Variants in ASIC5 observed in about 807,000 individuals in gnomAD.
ASIC5 encodes the protein acid sensing ion channel subunit family member 5, also known as bile acid-sensitive ion channel.
A neutral mutation model predicts 51.2 loss-of-function variants in ASIC5; 52 were observed. That is an observed-to-expected ratio of 1.02 (90% confidence interval 0.81 to 1.28). ASIC5 has a LOEUF of 1.28. Among genes scored for constraint, ASIC5 ranks in the 50% most tolerant of loss-of-function variants. The pLI is 0.00. For synonymous variants in ASIC5, 231 were observed against 200.7 expected (o/e 1.15, Z -1.28); for missense variants, 635 against 595.0 (o/e 1.07, Z -0.70).
At chr4:155,862,264 T>G (rs1389953249) in intron 2 of ASIC5, among the ~76,000 whole-genome samples, 1 of 152,072 alleles carries the variant, frequency 6.6e-6, no homozygotes, top group Non-Finnish European at 1.5e-5. Flanking sequence ...ATATCTTGAG[T>G]TCTTGAAATA....
chr4:155,840,806 T>G (rs2111235923), intron 6 of ASIC5, among the ~76,000 whole-genome samples: 1 of 152,182 alleles, frequency 6.6e-6, no homozygotes, highest in African/African-American at 2.4e-5. Context: ...CCCAAATTGC[T>G]TATAGTGATA....
At chr4:155,859,091 T>C (rs1741624823) in intron 2 of ASIC5, among the ~76,000 whole-genome samples, 1 of 152,050 alleles carries the variant, frequency 6.6e-6, no homozygotes, top group Admixed American at 6.6e-5. Context: ...ATCTTTGCAG[T>C]TATCTATTTA....
chr4:155,830,814 A>G (rs1740856039), intron 9 of ASIC5, among the ~76,000 whole-genome samples: 1 of 152,078 alleles, frequency 6.6e-6, no homozygotes. Flanking sequence ...GAATCTGATT[A>G]CTCCAGCAGT....
At chr4:155,838,592 A>T (rs542198891) in intron 7 of ASIC5, among the ~76,000 whole-genome samples, 1 of 152,306 alleles carries the variant, frequency 6.6e-6, no homozygotes, top group Non-Finnish European at 1.5e-5. Flanking sequence ...AAAAAAGAAC[A>T]AAATTTAAAA....
intron 4 of ASIC5, among the ~76,000 whole-genome samples, chr4:155,844,953 A>G (rs1741206436): frequency 6.6e-6 from 1 of 152,086 alleles, no homozygotes; most frequent in Non-Finnish European, 1.5e-5. Context: ...AATCTTGTTC[A>G]GGGATAACAG....
chr4:155,838,658 G>C (rs1174074572), intron 7 of ASIC5, among the ~76,000 whole-genome samples, 155 bp downstream of exon 7: 1 of 152,060 alleles, frequency 6.6e-6, no homozygotes, highest in Admixed American at 6.6e-5. Flanking sequence ...GCCTGTGTTT[G>C]TTAGCTACTA....
At chr4:155,847,097 C>A (rs2111246481) in intron 4 of ASIC5, among the ~76,000 whole-genome samples, 1 of 151,948 alleles carries the variant, frequency 6.6e-6, no homozygotes, top group Non-Finnish European at 1.5e-5. Context: ...CAGGTCAAAC[C>A]AGAAAGTTCA....
At chr4:155,855,456 G>A (rs1297190867) in intron 2 of ASIC5, 3 of 151,770 alleles carry the variant, frequency 2.0e-5, no homozygotes, top group East Asian at 3.9e-4. Flanking sequence ...CATTCCATAT[G>A]GTTCTTCATT....
intron 8 of ASIC5, among the ~76,000 whole-genome samples, chr4:155,832,580 C>A (rs1740893152): frequency 6.6e-6 from 1 of 152,130 alleles, no homozygotes; most frequent in African/African-American, 2.4e-5. Flanking sequence ...CCAGCCTAGA[C>A]CCCTACCTTG....
In ASIC5 at chr4:155,843,686, C is replaced by T. The variant is rs781163840; in HGVS notation, c.856G>A (p.Val286Met). 2 of 1,613,268 alleles carry T rather than the reference C, an allele frequency of 1.2e-6. No homozygotes were observed. Among genetic ancestry groups the T allele is most frequent in the Non-Finnish European group, 8.5e-7 (1 of 1,179,594 alleles). Residue 286 changes from valine (V) to methionine (M), a missense_variant, in exon 5 of 10, where the codon GTG becomes ATG. Coordinates refer to ENST00000537611, the MANE Select transcript of ASIC5 (RefSeq NM_017419.3). ...CCTCAGACTCGAGTATTTACCTTCA[C>T]TTGGCGGATGGTTACCCTTGCGTGC... ...GMHARVTIRQVKTVHQEYPWG... is the reference protein window; with the variant it reads ...GMHARVTIRQMKTVHQEYPWG...
At chr4:155,838,389 A>G (rs1741040027) in intron 7 of ASIC5, among the ~76,000 whole-genome samples, 1 of 152,176 alleles carries the variant, frequency 6.6e-6, no homozygotes, top group Non-Finnish European at 1.5e-5. Flanking sequence ...TTATGAAAAA[A>G]TTTTATATGC....
intron 7 of ASIC5, among the ~76,000 whole-genome samples, chr4:155,837,553 T>A (rs1209266320): frequency 6.6e-6 from 1 of 152,142 alleles, no homozygotes; most frequent in Non-Finnish European, 1.5e-5. Context: ...AGGTTCTTGT[T>A]TTTCCTTTGG....
At chr4:155,842,390 G>A in intron 5 of ASIC5, 36 bp from the exon 6 acceptor site, 1 of 1,482,604 alleles carries the variant, frequency 6.7e-7, no homozygotes, top group South Asian at 1.3e-5. Context: ...CAGGAGATGT[G>A]TTTACATCAA....
At position 155,866,222 on chromosome 4, in the gene ASIC5, T is replaced by C. The variant is rs1579305292; in HGVS notation, c.5A>G (p.Glu2Gly). Residue 2 changes from glutamate to glycine, a missense_variant, in exon 1 of 10, where the codon GAG becomes GGG. Glu to Gly is a moderately conservative substitution (Grantham distance 98, BLOSUM62 -2). Transcript: ENST00000537611. M[E>G]QTEKSKVYAE... The stretch of plus-strand genomic sequence containing the variant: ...ATATACTTTTGATTTTTCTGTCTGC[T>C]CCATTTGTGATTTCAGTTAAGCAAG... 6.2e-6 allele frequency: 10 copies of C among 1,608,394 alleles called. No individual in the cohort carries two copies. In the East Asian group the frequency reaches 1.8e-4, roughly 29 times the overall value.
chr4:155,834,988 C>T (rs1740944269), intron 8 of ASIC5, among the ~76,000 whole-genome samples: 1 of 152,116 alleles, frequency 6.6e-6, no homozygotes, highest in Admixed American at 6.5e-5. Context: ...CCTTCTGGCT[C>T]CTGATCCATC....
At chr4:155,853,870 T>A (rs1741452741) in intron 3 of ASIC5, among the ~76,000 whole-genome samples, 1 of 151,976 alleles carries the variant, frequency 6.6e-6, no homozygotes, top group South Asian at 2.1e-4. Flanking sequence ...CTTTTCTATC[T>A]TTCCTTATCT....
At chr4:155,834,052 C>G (rs1740926389) in intron 8 of ASIC5, among the ~76,000 whole-genome samples, 1 of 152,282 alleles carries the variant, frequency 6.6e-6, no homozygotes, top group African/African-American at 2.4e-5. Context: ...CAATTTTATA[C>G]AATTTTTATT....
At position 155,852,215 on chromosome 4, in the gene ASIC5, C is replaced by G; in HGVS notation, c.687G>C (p.Leu229Phe). The G allele has an allele frequency of 1.2e-6, 2 of 1,611,510 alleles. No homozygotes were observed. The highest frequency in any genetic ancestry group is 1.7e-6 in the Non-Finnish European group (2 of 1,178,608). ...KRKVSVSGRG[L>F]SLLFNVNQEA... ...CCTGATTCACATTGAAGAGTAAGCT[C>G]AAACCTCTTCCAGAGACACTCACTT... Residue 229 changes from leucine to phenylalanine, a missense_variant, in exon 4 of 10, where the codon TTG becomes TTC. Coordinates refer to ENST00000537611, the MANE Select transcript of ASIC5 (RefSeq NM_017419.3).
intron 4 of ASIC5, among the ~76,000 whole-genome samples, chr4:155,851,808 T>C (rs1395503463): frequency 6.6e-6 from 1 of 152,034 alleles, no homozygotes; most frequent in African/African-American, 2.4e-5. Flanking sequence ...CAAATGTGTA[T>C]GTAGAGTTTC....
Sources: allele counts gnomAD v4.1 joint callset (sites outside exome capture counted in the v4.1 genomes callset), GRCh38; gene constraint gnomAD v4.1.1; transcripts MANE v1.5; gene names NCBI Gene and HGNC (gene_info 2026-07-23, HGNC 2026-07-21).